The following TBC1D14 variants were observed in gnomAD, a reference collection of about 807,000 sequenced individuals.
The protein encoded by TBC1D14 is TBC1 domain family, member 14.
In TBC1D14, 26 loss-of-function variants were observed where a neutral mutation model predicts 79.0. The observed-to-expected ratio is 0.33, with a 90% CI of 0.24 to 0.46. The LOEUF (loss-of-function observed/expected upper bound fraction) is 0.46, where lower values mean the gene tolerates loss of function less well. Among genes scored for constraint, TBC1D14 ranks in the 20% least tolerant of loss-of-function variants. The pLI is 1.00. For missense variants in TBC1D14, 769 were observed against 887.6 expected (o/e 0.87, Z 1.70); for synonymous variants, 394 against 349.9 (o/e 1.13, Z -1.40).
intron 1 of TBC1D14, among the ~76,000 whole-genome samples, chr4:6,919,169 C>T (rs1346715445): frequency 4.0e-5 from 6 of 149,932 alleles, no homozygotes; most frequent in African/African-American, 9.8e-5. Flanking sequence ...TTTTTTTAGA[C>T]GGAGTTTTCT....
intron 12 of TBC1D14, among the ~76,000 whole-genome samples, chr4:7,017,740 A>T (rs1384858024): frequency 6.6e-6 from 1 of 152,184 alleles, no homozygotes; most frequent in Non-Finnish European, 1.5e-5. Context: ...GCTAGGATAC[A>T]GTCTGTTTTC....
At chr4:6,948,712 T>G (rs997903499) in intron 2 of TBC1D14, among the ~76,000 whole-genome samples, 1 of 150,736 alleles carries the variant, frequency 6.6e-6, no homozygotes, top group African/African-American at 2.4e-5. Flanking sequence ...ACTTGGTTTT[T>G]TTTTTTTTTT....
intron 3 of TBC1D14, chr4:6,987,071 C>A: frequency 1.2e-6 from 1 of 815,022 alleles, no homozygotes; most frequent in Non-Finnish European, 1.6e-6. Flanking sequence ...ACCACGGGGA[C>A]GCCCCAGCCC....
intron 3 of TBC1D14, among the ~76,000 whole-genome samples, chr4:6,977,692 CCGCCA>C: frequency 7.7e-6 from 1 of 129,214 alleles, no homozygotes; most frequent in African/African-American, 2.9e-5. Context: ...CTCTGCCAGG[CCGCCA>C]TCCCATCTAG....
chr4:6,997,716 GT>G (rs1719208216), intron 5 of TBC1D14, among the ~76,000 whole-genome samples: 2 of 152,248 alleles, frequency 1.3e-5, no homozygotes, highest in Non-Finnish European at 2.9e-5. Context: ...TCTGGCACAT[GT>G]GGCCACATGA....
In TBC1D14 at chr4:6,989,486, C is replaced by T. The variant is rs1718263829; in HGVS notation, c.844-4698C>T. Among the ~76,000 whole-genome samples the T allele has an allele frequency of 2.6e-5, 4 of 152,336 alleles. No individual in the cohort carries two copies. The South Asian group carries it at 8.3e-4, about 32-fold the overall frequency. The stretch of plus-strand genomic sequence containing the variant: ...CTTACCTGTCTGTCCACTCAGCTGG[C>T]CCCTTTGTGAAAGCTTCCCATGTCC... On this transcript the variant is annotated intron_variant, in intron 3 of 13. Transcript: ENST00000409757.
intron 1 of TBC1D14, among the ~76,000 whole-genome samples, chr4:6,913,645 A>G (rs898702910): frequency 1.1e-4 from 17 of 152,254 alleles, no homozygotes; most frequent in African/African-American, 4.1e-4. Context: ...TGCATGCTAA[A>G]TGCTCAGTAA....
At chr4:7,012,922 A>T (rs117589153) in intron 11 of TBC1D14, among the ~76,000 whole-genome samples, 2 of 152,342 alleles carry the variant, frequency 1.3e-5, no homozygotes, top group Non-Finnish European at 2.9e-5. Context: ...TACTGGCCTT[A>T]CGTTGCTTGT....
At chr4:6,988,177 C>T (rs974275540) in intron 3 of TBC1D14, among the ~76,000 whole-genome samples, 4 of 152,234 alleles carry the variant, frequency 2.6e-5, no homozygotes, top group Non-Finnish European at 5.9e-5. Context: ...CCCTCCAAGA[C>T]AATTGCTTTT....
chr4:6,963,882 C>T (rs1384989172), intron 2 of TBC1D14, among the ~76,000 whole-genome samples: 2 of 151,104 alleles, frequency 1.3e-5, no homozygotes, highest in African/African-American at 4.9e-5. Flanking sequence ...CTGCAACCTC[C>T]GTCTCCCAGG....
intron 3 of TBC1D14, among the ~76,000 whole-genome samples, chr4:6,971,135 T>C (rs573772526): frequency 6.6e-6 from 1 of 152,386 alleles, no homozygotes; most frequent in African/African-American, 2.4e-5. Flanking sequence ...CCAGGAGCTT[T>C]GGACTTGCAG....
At chr4:6,924,189 T>C (rs1724095465) in intron 2 of TBC1D14, 78 bp downstream of exon 2, 2 of 1,497,450 alleles carry the variant, frequency 1.3e-6, no homozygotes, top group East Asian at 4.8e-5. Context: ...TCAAATGTGT[T>C]GTGTGTTCTC....
intron 2 of TBC1D14, among the ~76,000 whole-genome samples, chr4:6,924,674 T>C (rs1443689635): frequency 1.3e-5 from 2 of 152,174 alleles, no homozygotes; most frequent in African/African-American, 2.4e-5. Flanking sequence ...GGCCTGGCCA[T>C]GCACTCCGTC....
intron 8 of TBC1D14, among the ~76,000 whole-genome samples, chr4:7,005,693 C>T (rs1720121429): frequency 6.6e-6 from 1 of 151,570 alleles, no homozygotes; most frequent in Admixed American, 6.6e-5. Flanking sequence ...AGCAAGACTC[C>T]CTCTAAAAAA....
intron 2 of TBC1D14, among the ~76,000 whole-genome samples, chr4:6,934,337 G>A (rs1022411930): frequency 6.6e-6 from 1 of 152,020 alleles, no homozygotes; most frequent in Admixed American, 6.6e-5. Context: ...CCGGCCCGGT[G>A]AGCATGGGTG....
chr4:7,007,908 C>G (rs919094363), intron 9 of TBC1D14, among the ~76,000 whole-genome samples: 2 of 152,220 alleles, frequency 1.3e-5, no homozygotes, highest in African/African-American at 4.8e-5. Context: ...TGCCCCCTCA[C>G]CAGGCTCTCA....
At chr4:6,947,287 G>A (rs894891283) in intron 2 of TBC1D14, among the ~76,000 whole-genome samples, 4 of 152,260 alleles carry the variant, frequency 2.6e-5, no homozygotes, top group Middle Eastern at 3.4e-3. Flanking sequence ...CACGAGGTCA[G>A]GAGATCGAGA....
At chr4:7,013,668 GT>G (rs1179771939) in intron 11 of TBC1D14, among the ~76,000 whole-genome samples, 1 of 151,958 alleles carries the variant, frequency 6.6e-6, no homozygotes, top group Non-Finnish European at 1.5e-5. Flanking sequence ...GGGTGCTGCC[GT>G]TGACTCAGAC....
At chr4:6,987,605 T>G in intron 3 of TBC1D14, 1 of 393,294 alleles carries the variant, frequency 2.5e-6, no homozygotes, top group East Asian at 3.7e-5. Context: ...TTCTTCTGGT[T>G]CACGTTTACT....
Sources: allele counts gnomAD v4.1 joint callset (sites outside exome capture counted in the v4.1 genomes callset), GRCh38; gene constraint gnomAD v4.1.1; transcripts MANE v1.5; gene names NCBI Gene and HGNC (gene_info 2026-07-23, HGNC 2026-07-21).